Variants in EIF2AK2 observed in about 807,000 individuals in gnomAD.
The protein encoded by EIF2AK2 is eukaryotic translation initiation factor 2 alpha kinase 2.
In EIF2AK2, 40 loss-of-function variants were observed where a neutral mutation model predicts 70.5. That is an observed-to-expected ratio of 0.57 (90% CI 0.44 to 0.74). The LOEUF (loss-of-function observed/expected upper bound fraction) is 0.74. EIF2AK2 is among the 30% of genes least tolerant of loss of function. The pLI, the probability that EIF2AK2 is intolerant of heterozygous loss-of-function variation, is 0.00. For synonymous variants in EIF2AK2, 198 were observed against 220.9 expected (o/e 0.90, Z 0.92); for missense variants, 555 against 644.3 (o/e 0.86, Z 1.50).
rs561344986 is a variant in EIF2AK2, at chr2:37,154,307, A to C, written c.-184+2601T>G. ...GCCATTGCACTCCAGCCTGGGCAAC[A>C]AGAGCGAAACTCCGTCTCAAAAAAA... is the stretch of plus-strand genomic sequence containing the variant. On this transcript the variant is annotated intron_variant, in intron 1 of 16. Transcript: ENST00000233057. Among the ~76,000 whole-genome samples, 541 of 150,420 alleles carry C rather than the reference A, an allele frequency of 3.6e-3. 2 individuals carry two copies. The highest frequency in any genetic ancestry group is 6.8e-3 in the Middle Eastern group (2 of 294).
At position 37,104,025 on chromosome 2, in the gene EIF2AK2, A is replaced by T. The variant is rs916445012; in HGVS notation, c.*3248T>A. 1 of 152,220 alleles carries T rather than the reference A, an allele frequency of 6.6e-6. No individual in the cohort carries two copies. Among genetic ancestry groups the T allele is most frequent in the East Asian group, 1.9e-4 (1 of 5,198 alleles). The allele number at this position is 152,220 out of a possible 1,614,324, so 9.4% of individuals were successfully genotyped here. On this transcript the variant is annotated 3_prime_UTR_variant, in exon 17 of 17. Coordinates refer to ENST00000233057, the MANE Select transcript of EIF2AK2 (RefSeq NM_001135651.3). Reference sequence around the variant, plus strand: ...AGTGGTGGCAGATACCTGTAATCCCAGCTACTCAGGAAGCAGAGGCAGGAG... The same window carrying T: ...AGTGGTGGCAGATACCTGTAATCCCTGCTACTCAGGAAGCAGAGGCAGGAG...
Position 37,103,482 on chromosome 2 carries a change from C to T in EIF2AK2, c.*3791G>A, listed in dbSNP as rs935461991. 1 of 152,176 alleles carries T rather than the reference C, an allele frequency of 6.6e-6. No individual in the cohort carries two copies. 9.4% of individuals were successfully genotyped at this position (152,176 alleles called of 1,614,324 possible). Reference sequence around the variant, plus strand: ...GAGTGCTGGGATTATAGGCGTGAGCCACCATGCCCAGCCAGAGTAGGAATA... The same window carrying T: ...GAGTGCTGGGATTATAGGCGTGAGCTACCATGCCCAGCCAGAGTAGGAATA... On this transcript the variant is annotated 3_prime_UTR_variant, in exon 17 of 17. Transcript: ENST00000233057.
chr2:37,131,007 G>A (rs1674920584), intron 10 of EIF2AK2, among the ~76,000 whole-genome samples: 1 of 152,088 alleles, frequency 6.6e-6, no homozygotes, highest in Non-Finnish European at 1.5e-5. Context: ...TGAAAGCAAG[G>A]CATTTAACAA....
intron 1 of EIF2AK2, among the ~76,000 whole-genome samples, chr2:37,155,838 G>A (rs753171355): frequency 6.6e-5 from 10 of 151,884 alleles, no homozygotes; most frequent in Non-Finnish European, 1.3e-4. Context: ...CTACCTGGGA[G>A]GCTGAGGAAG....
chr2:37,113,837 T>C (rs1301764834), intron 14 of EIF2AK2, among the ~76,000 whole-genome samples: 1 of 152,208 alleles, frequency 6.6e-6, no homozygotes, highest in Non-Finnish European at 1.5e-5. Context: ...TGATGCAGTA[T>C]TCTCATACAT....
Position 37,114,767 on chromosome 2 carries a change from C to T in EIF2AK2, c.1341G>A (p.Arg447=), listed in dbSNP as rs752059539. The stretch of plus-strand genomic sequence containing the variant: ...TCATGTATCGCAAAGTTCCCTTACT[C>T]CTTGTTCGCTTTCCATCATTTTTCA... ...TSLKNDGKRT[R]SKGTLRYMSP... Residue 447 remains arginine, a synonymous_variant, in exon 14 of 17, where the codon AGG becomes AGA. Coordinates refer to ENST00000233057, the MANE Select transcript of EIF2AK2 (RefSeq NM_001135651.3). The T allele has an allele frequency of 6.2e-7, 1 of 1,604,748 alleles. No homozygotes were observed. The highest frequency in any genetic ancestry group is 1.1e-5 in the South Asian group (1 of 89,266).
Position 37,103,982 on chromosome 2 carries a change from T to C in EIF2AK2, c.*3291A>G, listed in dbSNP as rs1464178248. 1 of 151,900 alleles carries C rather than the reference T, an allele frequency of 6.6e-6. No homozygotes were observed. The highest frequency in any genetic ancestry group is 2.4e-5 in the African/African-American group (1 of 41,352). The allele number at this position is 151,900 out of a possible 1,614,324, so 9.4% of individuals were successfully genotyped here. On this transcript the variant is annotated 3_prime_UTR_variant, in exon 17 of 17. Transcript: ENST00000233057. ...GGTGAAATTCCGTCTCTACTAAAAA[T>C]AGAAAAAATTAACCTGGAGTGGTGG...
rs1673856160 is a variant in EIF2AK2, at chr2:37,102,727, T to C, written c.*4546A>G. 1 of 152,210 alleles carries C rather than the reference T, an allele frequency of 6.6e-6. No homozygotes were observed. Among genetic ancestry groups the C allele is most frequent in the South Asian group, 2.1e-4 (1 of 4,830 alleles). 9.4% of individuals were successfully genotyped at this position (152,210 alleles called of 1,614,324 possible). On this transcript the variant is annotated 3_prime_UTR_variant, in exon 17 of 17. Coordinates refer to ENST00000233057, the MANE Select transcript of EIF2AK2 (RefSeq NM_001135651.3). ...ACACCTAATTTTTGAACGAGGGCCG[T>C]ACAGTTTCATTTTGCCCTTAGTCCC...
At chr2:37,140,146 C>T (rs1675278675) in intron 5 of EIF2AK2, among the ~76,000 whole-genome samples, 1 of 152,046 alleles carries the variant, frequency 6.6e-6, no homozygotes, top group Non-Finnish European at 1.5e-5. Flanking sequence ...AAAAAGCCAG[C>T]AGAGAAAGTA....
chr2:37,151,707 T>C (rs1290912286), intron 1 of EIF2AK2, among the ~76,000 whole-genome samples: 1 of 152,224 alleles, frequency 6.6e-6, no homozygotes, highest in Non-Finnish European at 1.5e-5. Flanking sequence ...AACGGATAAA[T>C]GGTGAACAAA....
rs371667563 is a variant in EIF2AK2 at position 37,138,510 on chromosome 2, G to T, written c.592C>A (p.Leu198Ile). 2 of 1,613,932 alleles carry T rather than the reference G, an allele frequency of 1.2e-6. No homozygotes were observed. The highest frequency in any genetic ancestry group is 1.7e-6 in the Non-Finnish European group (2 of 1,179,892). ...TCTCAATTGTTTGTCTACACTTACA[G>T]TGTGCTGGTCACTAAAGAGTTGCTT... ...SQSNSLVTST[L>I]ASESSSEGDF... The change falls in exon 7 of 17, where the codon CTC becomes ATC. Residue 198 changes from leucine to isoleucine, a missense_variant and splice_region_variant. Coordinates refer to ENST00000233057, the MANE Select transcript of EIF2AK2 (RefSeq NM_001135651.3).
intron 10 of EIF2AK2, among the ~76,000 whole-genome samples, chr2:37,134,569 G>T (rs1043979556): frequency 2.0e-5 from 3 of 152,136 alleles, no homozygotes; most frequent in Admixed American, 2.0e-4. Flanking sequence ...CAACATCAAT[G>T]CAATGGTGCA....
rs773366701 is a variant in EIF2AK2 at position 37,120,179 on chromosome 2, A to G, written c.1068-40T>C. The G allele has an allele frequency of 7.5e-6, 9 of 1,196,210 alleles. No homozygotes were observed. In the South Asian group the frequency reaches 2.9e-4, roughly 39 times the overall value. 74.1% of individuals were successfully genotyped at this position (1,196,210 alleles called of 1,614,324 possible). ...CACAGTATGTTAAAAGTAACAATAA[A>G]TATAAATTTATAAAAAATTTTTTAT... On this transcript the variant is annotated intron_variant, in intron 12 of 16. Coordinates refer to ENST00000233057, the MANE Select transcript of EIF2AK2 (RefSeq NM_001135651.3).
At chr2:37,150,719 C>G (rs1035151263) in intron 1 of EIF2AK2, among the ~76,000 whole-genome samples, 1 of 152,094 alleles carries the variant, frequency 6.6e-6, no homozygotes, top group African/African-American at 2.4e-5. Flanking sequence ...CTCTTCTCCC[C>G]ACGTATTCTT....
rs1381209959 is a variant in EIF2AK2 at position 37,107,093 on chromosome 2, A to G, written c.*180T>C. 1.3e-6 allele frequency: 1 copy of G among 772,786 alleles called. No homozygotes were observed. Among genetic ancestry groups the G allele is most frequent in the East Asian group, 3.1e-5 (1 of 31,876 alleles). 47.9% of individuals were successfully genotyped at this position (772,786 alleles called of 1,614,324 possible). A position where few individuals can be genotyped will look rare whatever the true frequency, so the allele number is the denominator to read the frequency against. ...GAGCCAGGAAAAAGTAAAATGTAAG[A>G]ATGTTTTTGAAGCAAAAAGAAGAAA... On this transcript the variant is annotated 3_prime_UTR_variant, in exon 17 of 17. Coordinates refer to ENST00000233057, the MANE Select transcript of EIF2AK2 (RefSeq NM_001135651.3).
chr2:37,109,417 G>C (rs975049820), intron 14 of EIF2AK2, 122 bp from the exon 15 acceptor site: 9 of 777,576 alleles, frequency 1.2e-5, no homozygotes, highest in Admixed American at 1.1e-4. Flanking sequence ...CTATTTATTA[G>C]CAAAATCTGT....
At chr2:37,115,479 C>G (rs4648229) in intron 13 of EIF2AK2, among the ~76,000 whole-genome samples, 1 of 151,938 alleles carries the variant, frequency 6.6e-6, no homozygotes, top group Non-Finnish European at 1.5e-5. Flanking sequence ...GGGAAAAGAT[C>G]CAGGACTATA....
chr2:37,127,647 T>C (rs915399713), intron 10 of EIF2AK2, among the ~76,000 whole-genome samples: 1 of 152,024 alleles, frequency 6.6e-6, no homozygotes, highest in Admixed American at 6.6e-5. Flanking sequence ...TCCCCACAAC[T>C]GTGACCCCAG....
intron 1 of EIF2AK2, among the ~76,000 whole-genome samples, chr2:37,155,810 G>A (rs192001839): frequency 1.1e-3 from 167 of 152,002 alleles, no homozygotes; most frequent in Non-Finnish European, 1.6e-3. Context: ...CTGTGCTGGC[G>A]GGCACCTGTA....
Sources: allele counts gnomAD v4.1 joint callset (sites outside exome capture counted in the v4.1 genomes callset), GRCh38; gene constraint gnomAD v4.1.1; transcripts MANE v1.5; gene names NCBI Gene and HGNC (gene_info 2026-07-23, HGNC 2026-07-21).